WDR72: variants seen among roughly 807,000 people sequenced by gnomAD.
WDR72 encodes the protein WD repeat-containing protein 72.
A neutral mutation model predicts 124.2 loss-of-function variants in WDR72; 120 were observed. That is an observed-to-expected ratio of 0.97 (90% confidence interval 0.83 to 1.12). The LOEUF is 1.12. WDR72 is among the 50% of genes most tolerant of loss of function. The probability of loss-of-function intolerance (pLI) is 0.00; values close to 1 mark genes in which losing one functional copy is unlikely to be tolerated. For synonymous variants in WDR72, 452 were observed against 441.7 expected (o/e 1.02, Z -0.29); for missense variants, 1,387 against 1,278.8 (o/e 1.08, Z -1.29).
intron 13 of WDR72, 53 bp downstream of exon 13, chr15:53,699,697 T>A: frequency 6.3e-7 from 1 of 1,586,946 alleles, no homozygotes; most frequent in East Asian, 2.2e-5. Flanking sequence ...TCTGGTCAAA[T>A]GCTTGTACAT....
intron 14 of WDR72, among the ~76,000 whole-genome samples, chr15:53,629,763 C>T (rs981504254): frequency 1.3e-5 from 2 of 151,562 alleles, no homozygotes; most frequent in African/African-American, 4.8e-5. Flanking sequence ...CCCTCTCTAG[C>T]TCCACAGTCT....
At chr15:53,559,202 C>T (rs1429508445) in intron 18 of WDR72, among the ~76,000 whole-genome samples, 1 of 151,472 alleles carries the variant, frequency 6.6e-6, no homozygotes, top group Non-Finnish European at 1.5e-5. Flanking sequence ...ATGGATTTTG[C>T]TACTGCCATA....
At chr15:53,629,466 G>A (rs2014338818) in intron 14 of WDR72, among the ~76,000 whole-genome samples, 2 of 149,924 alleles carry the variant, frequency 1.3e-5, no homozygotes, top group South Asian at 2.1e-4. Context: ...AAATGACCAC[G>A]AAGTTATGGA....
At chr15:53,610,616 A>G (rs932646384) in intron 16 of WDR72, among the ~76,000 whole-genome samples, 6 of 151,950 alleles carry the variant, frequency 3.9e-5, no homozygotes, top group African/African-American at 1.4e-4. Flanking sequence ...TTAGCAGTCA[A>G]GGAAAATGCA....
chr15:53,598,245 T>C (rs1391873594), intron 17 of WDR72, among the ~76,000 whole-genome samples: 1 of 151,868 alleles, frequency 6.6e-6, no homozygotes, highest in Admixed American at 6.6e-5. Context: ...GCCTTTCATA[T>C]AGCTACATCC....
chr15:53,561,035 A>G (rs921671817), intron 18 of WDR72, among the ~76,000 whole-genome samples: 2 of 151,818 alleles, frequency 1.3e-5, no homozygotes, highest in Non-Finnish European at 2.9e-5. Context: ...GAACTTCATA[A>G]ATCTTCAGTT....
In WDR72 at chr15:53,733,074, T is replaced by A; in HGVS notation, c.76A>T (p.Thr26Ser). ...PPHSITAIMI[T>S]DDQRTIVTGS... ...GTCACAATCGTTCGCTGGTCATCAG[T>A]GATCATGATGGCAGTGATGCTGTGG... The change falls in exon 2 of 20, where the codon ACT (threonine) becomes TCT (serine). Residue 26 changes from threonine to serine, a missense_variant. Transcript: ENST00000360509. 6.2e-7 allele frequency: 1 copy of A among 1,614,044 alleles called. No homozygotes were observed. Among genetic ancestry groups the A allele is most frequent in the Non-Finnish European group, 8.5e-7 (1 of 1,179,944 alleles).
rs1043903733 is a variant in WDR72 at position 53,547,992 on chromosome 15, GTCTTTGTAATTGACCACTTGAATGACT to G, written c.3149-24697_3149-24671del. On this transcript the variant is annotated intron_variant, in intron 18 of 19. Coordinates refer to ENST00000360509, the MANE Select transcript of WDR72 (RefSeq NM_182758.4). ...TTGCTGATCTCCAAAGGTTGATGAC[GTCTTTGTAATTGACCACTTGAATGACT>G]TCTTTGTACTTGACCACTTGGATTT... 7.2e-5 allele frequency among the ~76,000 whole-genome samples: 11 copies of G among 152,214 alleles called. No homozygotes were observed. In the East Asian group the frequency reaches 2.1e-3, roughly 29 times the overall value.
intron 4 of WDR72, 120 bp downstream of exon 4, chr15:53,716,487 A>G (rs1420567948): frequency 2.6e-6 from 2 of 781,918 alleles, no homozygotes; most frequent in East Asian, 5.2e-5. Flanking sequence ...GACCCTCATG[A>G]CAAAATAAAA....
intron 17 of WDR72, among the ~76,000 whole-genome samples, chr15:53,608,259 G>T (rs1241792088): frequency 2.0e-5 from 3 of 152,046 alleles, no homozygotes; most frequent in Admixed American, 6.6e-5. Flanking sequence ...CTAAGTATTT[G>T]GAAGCAATTA....
At chr15:53,537,810 C>G (rs968371731) in intron 18 of WDR72, among the ~76,000 whole-genome samples, 1 of 152,100 alleles carries the variant, frequency 6.6e-6, no homozygotes, top group Non-Finnish European at 1.5e-5. Context: ...TCTAAAATTT[C>G]TCTAACCTAG....
chr15:53,694,614 A>G (rs61528486), intron 13 of WDR72, among the ~76,000 whole-genome samples: 6,786 of 152,266 alleles, frequency 0.045, 532 homozygotes, highest in African/African-American at 0.16. Flanking sequence ...TCCATCTGCA[A>G]GAGGTGTTTG....
At chr15:53,744,553 C>T (rs749715777) in intron 1 of WDR72, among the ~76,000 whole-genome samples, 18 of 152,160 alleles carry the variant, frequency 1.2e-4, no homozygotes, top group Non-Finnish European at 1.8e-4. Context: ...ACTCTAGCAA[C>T]ATTAACTTCC....
At chr15:53,664,252 T>C (rs1229554918) in intron 14 of WDR72, among the ~76,000 whole-genome samples, 1 of 152,184 alleles carries the variant, frequency 6.6e-6, no homozygotes, top group African/African-American at 2.4e-5. Context: ...GCCTCAGATT[T>C]GCTACAGTGA....
chr15:53,619,017 C>T (rs2013879950), intron 14 of WDR72, among the ~76,000 whole-genome samples: 1 of 151,792 alleles, frequency 6.6e-6, no homozygotes, highest in Admixed American at 6.6e-5. Flanking sequence ...CCTTAAATTG[C>T]CCATTGAGTT....
chr15:53,657,240 G>A (rs1333935161), intron 14 of WDR72, among the ~76,000 whole-genome samples: 3 of 134,100 alleles, frequency 2.2e-5, no homozygotes, highest in Non-Finnish European at 4.6e-5. Flanking sequence ...CTCCAGCCTG[G>A]GCAAAAGAGC....
intron 2 of WDR72, among the ~76,000 whole-genome samples, chr15:53,724,610 C>G (rs2017968419): frequency 6.6e-6 from 1 of 152,144 alleles, no homozygotes; most frequent in Non-Finnish European, 1.5e-5. Context: ...AACTCACTCA[C>G]TATCACAAGA....
At chr15:53,679,900 G>T (rs540560153) in intron 13 of WDR72, among the ~76,000 whole-genome samples, 2 of 150,360 alleles carry the variant, frequency 1.3e-5, no homozygotes, top group Admixed American at 6.6e-5. Flanking sequence ...CTGGAGCAAG[G>T]TCTAACAGAG....
rs58068565 is a variant in WDR72 at position 53,712,605 on chromosome 15, C to CA, written c.711+166dup. Among the ~76,000 whole-genome samples, 63,483 of 145,796 alleles carry CA rather than the reference C, an allele frequency of 0.44. 14,092 individuals carry two copies. Among genetic ancestry groups the CA allele is most frequent in the Middle Eastern group, 0.61 (173 of 284 alleles). On this transcript the variant is annotated intron_variant, in intron 7 of 19. Coordinates refer to ENST00000360509, the MANE Select transcript of WDR72 (RefSeq NM_182758.4). ...GTGAGACTGTCAACCACCCCACCGC[C>CA]AAAAAAAAAAACTGTTACGTCAGTC...
Sources: allele counts gnomAD v4.1 joint callset (sites outside exome capture counted in the v4.1 genomes callset), GRCh38; gene constraint gnomAD v4.1.1; transcripts MANE v1.5; gene names NCBI Gene and HGNC (gene_info 2026-07-23, HGNC 2026-07-21).